The following NCAN variants were observed in gnomAD, a reference collection of about 807,000 sequenced individuals.
NCAN encodes the protein neurocan core protein.
A neutral mutation model predicts 121.8 loss-of-function variants in NCAN; 47 were observed. The ratio of observed to expected loss-of-function variants is 0.39; its 90% confidence interval spans 0.31 to 0.49. NCAN has a LOEUF of 0.49. Ranked by LOEUF, NCAN falls within the 20% of genes least tolerant of loss-of-function variation. The pLI is 0.92. For missense variants in NCAN, 1,517 were observed against 1,773.4 expected (o/e 0.86, Z 2.60); for synonymous variants, 633 against 702.0 (o/e 0.90, Z 1.55).
At chr19:19,238,227 C>T (rs777875677) in intron 10 of NCAN, 26 bp from the exon 11 acceptor site, 5 of 1,613,510 alleles carry the variant, frequency 3.1e-6, no homozygotes, top group East Asian at 4.5e-5. Flanking sequence ...GCCAGCCCCC[C>T]CTCACGCTCC....
At chr19:19,244,919 C>T (rs1286409354) in intron 12 of NCAN, among the ~76,000 whole-genome samples, 2 of 151,802 alleles carry the variant, frequency 1.3e-5, no homozygotes, top group Non-Finnish European at 2.9e-5. Flanking sequence ...ACCATATTGA[C>T]CAGGCTGGTC....
chr19:19,239,672 TG>T, intron 11 of NCAN, among the ~76,000 whole-genome samples: 1 of 101,754 alleles, frequency 9.8e-6, no homozygotes, highest in Non-Finnish European at 2.0e-5. Flanking sequence ...TCCTCCTTTC[TG>T]CTCCTCATCC....
intron 2 of NCAN, 74 bp from the exon 3 acceptor site, chr19:19,218,840 TA>T: frequency 7.3e-7 from 1 of 1,368,658 alleles, no homozygotes; most frequent in Non-Finnish European, 9.5e-7. Context: ...AAAAATTTTT[TA>T]AAAGAGGGAA....
chr19:19,238,914 A>G (rs2060891660), intron 11 of NCAN: 2 of 186,582 alleles, frequency 1.1e-5, no homozygotes, highest in African/African-American at 4.7e-5. Flanking sequence ...GTAATCCGGG[A>G]CTTATTGATT....
rs777542567 is a variant in NCAN, at chr19:19,226,716, G to A, written c.1303G>A (p.Asp435Asn). The change falls in exon 7 of 15, where the codon GAC (aspartate) becomes AAC (asparagine). Residue 435 changes from aspartate to asparagine, a missense_variant. Physicochemically the swap from Asp to Asn is conservative, Grantham distance 23. Coordinates refer to ENST00000252575, the MANE Select transcript of NCAN (RefSeq NM_004386.3). ...ACAGACCCTCAGCCCTACCCCTGGGGACCCCATGCTGGCCTCATGGCCCAC... is the reference window on the plus strand; with the variant it reads ...ACAGACCCTCAGCCCTACCCCTGGGAACCCCATGCTGGCCTCATGGCCCAC... ...SQQTLSPTPGDPMLASWPTGE... is the reference protein window; with the variant it reads ...SQQTLSPTPGNPMLASWPTGE... 3 of 1,612,396 alleles carry A rather than the reference G, an allele frequency of 1.9e-6. No individual in the cohort carries two copies. The East Asian group carries it at 6.7e-5, about 36-fold the overall frequency.
rs2060832101 is a variant in NCAN at position 19,225,341 on chromosome 19, C to A, written c.1072+71C>A. 1.4e-6 allele frequency: 2 copies of A among 1,431,382 alleles called. No homozygotes were observed. The highest frequency in any genetic ancestry group is 1.8e-6 in the Non-Finnish European group (2 of 1,102,916). The allele number at this position is 1,431,382 out of a possible 1,614,324, so 88.7% of individuals were successfully genotyped here. A position where few individuals can be genotyped will look rare whatever the true frequency, so the allele number is the denominator to read the frequency against. The stretch of plus-strand genomic sequence containing the variant: ...GCGAAGGCCACGTCCCTGAAAGCCT[C>A]GCCAAGCCAAGGGAGAGACACATGG... On this transcript the variant is annotated intron_variant, in intron 6 of 14. Transcript: ENST00000252575. The surrounding 1 kb of genome is among the most constrained non-coding windows in gnomAD (Gnocchi z 4.0).
rs1295616465 is a variant in NCAN, at chr19:19,250,173, A to C, written c.*262A>C. On this transcript the variant is annotated 3_prime_UTR_variant, in exon 15 of 15. Transcript: ENST00000252575. Reference sequence around the variant, plus strand: ...CTGGGAGTGTGTCCCAGCTGAGGGAAGCACAAGTAGCAAAGCTCATTGGTC... The same window carrying C: ...CTGGGAGTGTGTCCCAGCTGAGGGACGCACAAGTAGCAAAGCTCATTGGTC... 2 of 633,340 alleles carry C rather than the reference A, an allele frequency of 3.2e-6. No individual in the cohort carries two copies. Among genetic ancestry groups the C allele is most frequent in the Non-Finnish European group, 5.9e-6 (2 of 340,696 alleles). 39.2% of individuals were successfully genotyped at this position (633,340 alleles called of 1,614,324 possible). A position where few individuals can be genotyped will look rare whatever the true frequency, so the allele number is the denominator to read the frequency against.
intron 10 of NCAN, among the ~76,000 whole-genome samples, chr19:19,236,756 C>T (rs1407882109): frequency 1.1e-4 from 16 of 147,620 alleles, no homozygotes; most frequent in Admixed American, 8.9e-4. Flanking sequence ...GAAACAGGTT[C>T]TCACTCTGTG....
intron 13 of NCAN, among the ~76,000 whole-genome samples, chr19:19,247,583 G>A (rs1006255223): frequency 1.3e-5 from 2 of 151,914 alleles, no homozygotes; most frequent in East Asian, 1.9e-4. Flanking sequence ...TAGAGACAGG[G>A]TCTTGCTGTG....
At chr19:19,249,274 T>C (rs1054951169) in intron 14 of NCAN, among the ~76,000 whole-genome samples, 3 of 152,182 alleles carry the variant, frequency 2.0e-5, no homozygotes, top group African/African-American at 7.2e-5. Flanking sequence ...TTTCACTATG[T>C]TGGCCAGGCT....
intron 9 of NCAN, among the ~76,000 whole-genome samples, chr19:19,234,548 G>T (rs965916949): frequency 6.6e-6 from 1 of 152,164 alleles, no homozygotes; most frequent in South Asian, 2.1e-4. Flanking sequence ...AGTGCCATAC[G>T]TGCCTCAAGC....
At chr19:19,222,199 C>A (rs995152738) in intron 3 of NCAN, among the ~76,000 whole-genome samples, 2 of 152,174 alleles carry the variant, frequency 1.3e-5, no homozygotes, top group Non-Finnish European at 2.9e-5. Flanking sequence ...AAGCTAACAA[C>A]AACAACAACA....
chr19:19,233,134 A>T (rs2146548029), intron 8 of NCAN, among the ~76,000 whole-genome samples: 1 of 152,210 alleles, frequency 6.6e-6, no homozygotes, highest in African/African-American at 2.4e-5. Flanking sequence ...GGGTTTCACC[A>T]TGTTGGCCAG....
At chr19:19,213,584 GTC>G (rs2060784044) in intron 1 of NCAN, among the ~76,000 whole-genome samples, 2 of 151,042 alleles carry the variant, frequency 1.3e-5, no homozygotes. Context: ...TGCCCATATT[GTC>G]TCTCTTTGTT....
At position 19,227,237 on chromosome 19, in the gene NCAN, G is replaced by T; in HGVS notation, c.1661-44G>T. On this transcript the variant is annotated intron_variant, in intron 7 of 14. Coordinates refer to ENST00000252575, the MANE Select transcript of NCAN (RefSeq NM_004386.3). This position sits in a 1 kb window ranked among gnomAD's most constrained non-coding sequence, Gnocchi z 4.2. ...TTGGGCCTGGAGTCCAACCAAAGGG[G>T]CTGCTGAGAGATCATTGTAATGATT... The T allele has an allele frequency of 1.3e-6, 2 of 1,512,914 alleles. No individual in the cohort carries two copies. The highest frequency in any genetic ancestry group is 1.8e-6 in the Non-Finnish European group (2 of 1,132,380). The allele number at this position is 1,512,914 out of a possible 1,614,324, so 93.7% of individuals were successfully genotyped here. A position where few individuals can be genotyped will look rare whatever the true frequency, so the allele number is the denominator to read the frequency against.
rs985504482 is a variant in NCAN at position 19,225,803 on chromosome 19, G to A, written c.1072+533G>A. Among the ~76,000 whole-genome samples the A allele has an allele frequency of 1.3e-5, 2 of 152,224 alleles. No homozygotes were observed. Among genetic ancestry groups the A allele is most frequent in the African/African-American group, 4.8e-5 (2 of 41,466 alleles). ...CCCAGTCCTGGCATGGGCATACCAT[G>A]CCCACGGGGCACCACCTGTACCAGG... is the stretch of plus-strand genomic sequence containing the variant. On this transcript the variant is annotated intron_variant, in intron 6 of 14. Transcript: ENST00000252575. The surrounding 1 kb of genome is among the most constrained non-coding windows in gnomAD (Gnocchi z 4.0).
intron 12 of NCAN, among the ~76,000 whole-genome samples, chr19:19,243,729 TA>T (rs895052142): frequency 1.5e-4 from 23 of 151,224 alleles, no homozygotes; most frequent in African/African-American, 5.6e-4. Context: ...ACTGCACACG[TA>T]AAAATGGTTA....
Position 19,224,478 on chromosome 19 carries a change from A to C in NCAN, c.778+45A>C, listed in dbSNP as rs1032703517. ...GACCCGGCCCCTCCGCCTCTCTTTGAGTATCTATTATTCTCCCCAACTCCC... is the reference window on the plus strand; with the variant it reads ...GACCCGGCCCCTCCGCCTCTCTTTGCGTATCTATTATTCTCCCCAACTCCC... On this transcript the variant is annotated intron_variant, in intron 5 of 14. Transcript: ENST00000252575. 1.9e-6 allele frequency: 3 copies of C among 1,595,792 alleles called. No individual in the cohort carries two copies. In the African/African-American group the frequency reaches 4.0e-5, roughly 21 times the overall value.
Position 19,221,362 on chromosome 19 carries a change from G to A in NCAN, c.475+2046G>A, listed in dbSNP as rs545671894. ...AGACCAGCAGATCATGAGGTCAGGAGTTCGAGACCAGCCTGGCCAAGATGG... is the reference window on the plus strand; with the variant it reads ...AGACCAGCAGATCATGAGGTCAGGAATTCGAGACCAGCCTGGCCAAGATGG... On this transcript the variant is annotated intron_variant, in intron 3 of 14. Coordinates refer to ENST00000252575, the MANE Select transcript of NCAN (RefSeq NM_004386.3). Among the ~76,000 whole-genome samples the A allele has an allele frequency of 1.8e-4, 28 of 152,184 alleles. No individual in the cohort carries two copies. In the East Asian group the frequency reaches 2.9e-3, roughly 16 times the overall value.
Sources: allele counts gnomAD v4.1 joint callset (sites outside exome capture counted in the v4.1 genomes callset), GRCh38; gene constraint gnomAD v4.1.1; non-coding constraint Gnocchi (gnomAD v3.1); transcripts MANE v1.5; gene names NCBI Gene and HGNC (gene_info 2026-07-23, HGNC 2026-07-21).